The following SPSB1 variants were observed in gnomAD, a reference collection of about 807,000 sequenced individuals.
SPSB1 encodes splA/ryanodine receptor domain and SOCS box containing 1.
Under a neutral mutation model 21.2 loss-of-function variants are expected in SPSB1, and 8 were observed. That is an observed-to-expected ratio of 0.38 (90% CI 0.22 to 0.68). SPSB1 has a LOEUF of 0.68. SPSB1 is among the 30% of genes least tolerant of loss of function. The pLI, the probability that SPSB1 is intolerant of heterozygous loss-of-function variation, is 0.53. For synonymous variants in SPSB1, 169 were observed against 161.7 expected (o/e 1.05, Z -0.34); for missense variants, 242 against 377.8 (o/e 0.64, Z 2.98).
intron 2 of SPSB1, among the ~76,000 whole-genome samples, chr1:9,357,661 A>T (rs1404692983): frequency 1.3e-5 from 2 of 152,178 alleles, no homozygotes; most frequent in African/African-American, 2.4e-5. Flanking sequence ...TCAGAAACAG[A>T]CTGAGTCAAC....
chr1:9,314,493 A>T (rs1238896811), intron 1 of SPSB1, among the ~76,000 whole-genome samples: 9 of 152,268 alleles, frequency 5.9e-5, no homozygotes, highest in Non-Finnish European at 5.9e-5. Context: ...AGATCTACAC[A>T]ACAAGGCCGT....
At chr1:9,351,075 T>C (rs1013250942) in intron 1 of SPSB1, among the ~76,000 whole-genome samples, 7 of 152,256 alleles carry the variant, frequency 4.6e-5, no homozygotes, top group Non-Finnish European at 1.0e-4. Context: ...ATTAGCAGTT[T>C]TGCATGGGGT....
chr1:9,293,076 G>A lies in SPSB1; in HGVS notation c.-150+5G>A. The A allele has an allele frequency of 2.0e-6, 2 of 979,860 alleles. No individual in the cohort carries two copies. The highest frequency in any genetic ancestry group is 2.4e-6 in the Non-Finnish European group (2 of 826,268). The allele number at this position is 979,860 out of a possible 1,614,324, so 60.7% of individuals were successfully genotyped here. On this transcript the variant is annotated splice_donor_5th_base_variant and intron_variant, in intron 1 of 2. Coordinates refer to ENST00000328089, the MANE Select transcript of SPSB1 (RefSeq NM_025106.4). The surrounding 1 kb of genome is among the most constrained non-coding windows in gnomAD (Gnocchi z 5.1). ...GGCGGCGGCACCCCGGGCGCGGTAG[G>A]CGGCGCGGGGCACCTGGGACCCCGA...
Position 9,317,492 on chromosome 1 carries a change from G to A in SPSB1, c.-150+24421G>A, listed in dbSNP as rs2310922. 0.096 allele frequency among the ~76,000 whole-genome samples: 14,636 copies of A among 152,060 alleles called. 2,097 individuals are homozygous for A. Among genetic ancestry groups the A allele is most frequent in the African/African-American group, 0.32 (13,054 of 41,376 alleles). On this transcript the variant is annotated intron_variant, in intron 1 of 2. Coordinates refer to ENST00000328089, the MANE Select transcript of SPSB1 (RefSeq NM_025106.4). This position sits in a 1 kb window ranked among gnomAD's most constrained non-coding sequence, Gnocchi z 4.3. ...GGTGAGAACAGACAGGTTTTTTGTC[G>A]TTTGTTTTTGAGACAGAGTCTTGCT...
At position 9,355,512 on chromosome 1, in the gene SPSB1, C is replaced by G. The variant is rs1640347236; in HGVS notation, c.-149-231C>G. Among the ~76,000 whole-genome samples the G allele has an allele frequency of 4.6e-5, 7 of 152,374 alleles. No individual in the cohort carries two copies. The South Asian group carries it at 1.2e-3, about 27-fold the overall frequency. ...GGGTGATGCCCATCCCCCAAGCCCA[C>G]CTCTCCACACAGTCGGCCGCGTGGA... On this transcript the variant is annotated intron_variant, in intron 1 of 2. Transcript: ENST00000328089.
Position 9,348,968 on chromosome 1 carries a change from TG to T in SPSB1, c.-149-6774del, listed in dbSNP as rs371365012. Among the ~76,000 whole-genome samples, 1,605 of 151,800 alleles carry T rather than the reference TG, an allele frequency of 0.011. 14 individuals carry two copies. Among genetic ancestry groups the T allele is most frequent in the South Asian group, 0.015 (74 of 4,814 alleles). Reference sequence around the variant, plus strand: ...GTGTGTGTGTGTGTGTGTGTGTATATGTGCGTGTGTGCACGTGCATGTGTGT... The same window carrying T: ...GTGTGTGTGTGTGTGTGTGTGTATATTGCGTGTGTGCACGTGCATGTGTGT... On this transcript the variant is annotated intron_variant, in intron 1 of 2. Coordinates refer to ENST00000328089, the MANE Select transcript of SPSB1 (RefSeq NM_025106.4). The surrounding 1 kb of genome is among the most constrained non-coding windows in gnomAD (Gnocchi z 4.8).
In SPSB1 at chr1:9,367,441, TCC is replaced by T. The variant is rs775408653; in HGVS notation, c.695-4_695-3del. The stretch of plus-strand genomic sequence containing the variant: ...TGCGCTGACCTGCAGTTTCTCTGTC[TCC>T]CCAGCCGAGCCGCTGCCGCTCATGG... On this transcript the variant is annotated splice_region_variant and splice_polypyrimidine_tract_variant and intron_variant, in intron 2 of 2. Transcript: ENST00000328089. The surrounding 1 kb of genome is among the most constrained non-coding windows in gnomAD (Gnocchi z 5.9). 8.1e-6 allele frequency: 13 copies of T among 1,611,906 alleles called. No homozygotes were observed. In the African/African-American group the frequency reaches 1.7e-4, roughly 21 times the overall value.
At position 9,346,216 on chromosome 1, in the gene SPSB1, C is replaced by G. The variant is rs750030573; in HGVS notation, c.-149-9527C>G. Reference sequence around the variant, plus strand: ...CGGGGCGGCAGAGGGAGGGAACTTACGTGATCTTCAGGTGAAAGGAGGCTT... The same window carrying G: ...CGGGGCGGCAGAGGGAGGGAACTTAGGTGATCTTCAGGTGAAAGGAGGCTT... On this transcript the variant is annotated intron_variant, in intron 1 of 2. Transcript: ENST00000328089. The surrounding 1 kb of genome is among the most constrained non-coding windows in gnomAD (Gnocchi z 4.4). 2.0e-5 allele frequency among the ~76,000 whole-genome samples: 3 copies of G among 152,228 alleles called. No individual in the cohort carries two copies. The highest frequency in any genetic ancestry group is 4.4e-5 in the Non-Finnish European group (3 of 68,044).
chr1:9,338,856 G>A (rs551711318), intron 1 of SPSB1, among the ~76,000 whole-genome samples: 1 of 152,356 alleles, frequency 6.6e-6, no homozygotes, highest in Admixed American at 6.5e-5. Context: ...ATGGGATGAG[G>A]GGGTCTTTGG....
At chr1:9,359,202 C>T (rs759538645) in intron 2 of SPSB1, among the ~76,000 whole-genome samples, 12 of 152,166 alleles carry the variant, frequency 7.9e-5, no homozygotes, top group Non-Finnish European at 1.6e-4. Context: ...CCCTGGGCCA[C>T]GTGGTCAGTT....
chr1:9,304,976 C>T (rs530536753), intron 1 of SPSB1, among the ~76,000 whole-genome samples: 19 of 152,212 alleles, frequency 1.2e-4, no homozygotes, highest in South Asian at 6.2e-4. Context: ...GCTTGGGTGC[C>T]GTTGCCCCAT....
intron 2 of SPSB1, among the ~76,000 whole-genome samples, chr1:9,357,219 G>A (rs1640385358): frequency 6.8e-6 from 1 of 146,210 alleles, no homozygotes; most frequent in Admixed American, 6.9e-5. Context: ...ATCAGTGAAT[G>A]AATGGATGGA....
At chr1:9,339,199 G>A in intron 1 of SPSB1, 1 of 985,224 alleles carries the variant, frequency 1.0e-6, no homozygotes. Context: ...GTGAGGACCT[G>A]TGGGGCTTTT....
chr1:9,364,724 TC>T (rs1443458366), intron 2 of SPSB1, among the ~76,000 whole-genome samples: 1 of 152,222 alleles, frequency 6.6e-6, no homozygotes, highest in Admixed American at 6.5e-5. Context: ...ACATTTCAGT[TC>T]CTTGTCAGGA....
intron 1 of SPSB1, among the ~76,000 whole-genome samples, chr1:9,298,101 C>T (rs898699499): frequency 1.8e-4 from 27 of 152,178 alleles, no homozygotes; most frequent in African/African-American, 6.5e-4. Flanking sequence ...GCAAAGCTGC[C>T]GTCAGAATAG....
intron 1 of SPSB1, among the ~76,000 whole-genome samples, chr1:9,340,742 A>C (rs1640078010): frequency 1.3e-5 from 2 of 152,254 alleles, no homozygotes. Context: ...CTCTGCCTGC[A>C]AAGGTAACAT....
chr1:9,343,490 T>C (rs1173460878), intron 1 of SPSB1, among the ~76,000 whole-genome samples: 2 of 152,270 alleles, frequency 1.3e-5, no homozygotes, highest in East Asian at 3.8e-4. Context: ...ATACCACAAT[T>C]TGTTTATCCA....
At chr1:9,319,462 G>C (rs1395767609) in intron 1 of SPSB1, among the ~76,000 whole-genome samples, 2 of 152,172 alleles carry the variant, frequency 1.3e-5, no homozygotes, top group Non-Finnish European at 2.9e-5. Context: ...TCAAAGTACA[G>C]GGGTGGGATG....
At chr1:9,361,159 T>TTTTTTTTTTTTTTTTTTTTTTTTTTC (rs1640469206) in intron 2 of SPSB1, among the ~76,000 whole-genome samples, 1 of 33,230 alleles carries the variant, frequency 3.0e-5, no homozygotes, top group Admixed American at 4.0e-4. Context: ...TCATTTTCTT[T>TTTTTTTTTTTTTTTTTTTTTTTTTTC]TTTTTTTTTT....
Sources: gnomAD v4.1 joint callset for allele counts (sites outside exome capture counted in the v4.1 genomes callset) on GRCh38, gnomAD v4.1.1 for gene constraint, Gnocchi (gnomAD v3.1) non-coding constraint, MANE v1.5 for transcripts, NCBI Gene and HGNC (gene_info 2026-07-23, HGNC 2026-07-21) for gene names.